The following CABLES2 variants were observed in gnomAD, a reference collection of about 807,000 sequenced individuals.
CABLES2 encodes the protein Cdk5 and Abl enzyme substrate 2.
In CABLES2, 35 loss-of-function variants were observed where a neutral mutation model predicts 44.8. The ratio of observed to expected loss-of-function variants is 0.78; its 90% CI spans 0.60 to 1.04. CABLES2 has a LOEUF of 1.04. Ranked by LOEUF, CABLES2 falls within the 50% of genes least tolerant of loss-of-function variation. The probability of loss-of-function intolerance (pLI) is 0.00; values close to 1 mark genes in which losing one functional copy is unlikely to be tolerated. For missense variants in CABLES2, 566 were observed against 615.7 expected (o/e 0.92, Z 0.85); for synonymous variants, 282 against 281.1 (o/e 1.00, Z -0.03).
chr20:62,397,823 C>T (rs563902184), intron 1 of CABLES2, among the ~76,000 whole-genome samples: 168 of 151,156 alleles, frequency 1.1e-3, no homozygotes, highest in Non-Finnish European at 1.8e-3. Context: ...TGTGGCGTGG[C>T]ACGTCTGAGG....
rs1987879182 is a variant in CABLES2, at chr20:62,389,865, G to A, written c.*1106C>T. 1.3e-5 allele frequency: 2 copies of A among 152,208 alleles called. No individual in the cohort carries two copies. Among genetic ancestry groups the A allele is most frequent in the Non-Finnish European group, 2.9e-5 (2 of 68,052 alleles). 9.4% of individuals were successfully genotyped at this position (152,208 alleles called of 1,614,324 possible). ...GAAGGGACAACGACCACCATTTGGG[G>A]TCCTTTTAGCATGGTGGGCTGCCCT... On this transcript the variant is annotated 3_prime_UTR_variant, in exon 10 of 10. Coordinates refer to ENST00000279101, the MANE Select transcript of CABLES2 (RefSeq NM_031215.3).
intron 6 of CABLES2, 103 bp from the exon 7 acceptor site, chr20:62,393,126 G>A: frequency 9.7e-7 from 1 of 1,026,660 alleles, no homozygotes; most frequent in South Asian, 1.4e-5. Flanking sequence ...GCCGAGCAGG[G>A]GAGGGGCTCT....
At chr20:62,393,388 TA>T in intron 6 of CABLES2, 51 bp downstream of exon 6, 2 of 1,532,714 alleles carry the variant, frequency 1.3e-6, no homozygotes, top group Non-Finnish European at 1.8e-6. Context: ...GGGCCGTGGT[TA>T]AGGCACGCGG....
intron 1 of CABLES2, among the ~76,000 whole-genome samples, chr20:62,398,432 C>T (rs2146425754): frequency 6.6e-6 from 1 of 151,860 alleles, no homozygotes; most frequent in South Asian, 2.1e-4. Flanking sequence ...GCAACTTGGC[C>T]CCCAGGCTTG....
At chr20:62,404,994 T>A (rs552641674) in intron 1 of CABLES2, 2 of 152,336 alleles carry the variant, frequency 1.3e-5, no homozygotes, top group Non-Finnish European at 2.9e-5. Context: ...GCCTTCTCAG[T>A]CACAGGCACT....
intron 7 of CABLES2, 90 bp downstream of exon 7, chr20:62,392,830 G>A: frequency 8.5e-7 from 1 of 1,170,432 alleles, no homozygotes; most frequent in South Asian, 1.3e-5. Flanking sequence ...CACGCCCCTG[G>A]GGCAGCTTTG....
At position 62,398,476 on chromosome 20, in the gene CABLES2, T is replaced by G. The variant is rs539588267; in HGVS notation, c.363-1884A>C. Among the ~76,000 whole-genome samples, 313 of 152,236 alleles carry G rather than the reference T, an allele frequency of 2.1e-3. 1 individual carries two copies. Among genetic ancestry groups the G allele is most frequent in the African/African-American group, 7.3e-3 (304 of 41,526 alleles). On this transcript the variant is annotated intron_variant, in intron 1 of 9. Transcript: ENST00000279101. Reference sequence around the variant, plus strand: ...CATTCTCAGCGTGTCAACAGTAGCCTTTTTATTAAGTGTCACCCAATCTGG... The same window carrying G: ...CATTCTCAGCGTGTCAACAGTAGCCGTTTTATTAAGTGTCACCCAATCTGG...
Position 62,407,200 on chromosome 20 carries a change from G to A in CABLES2, c.77C>T (p.Thr26Ile). The change falls in exon 1 of 10, where the codon ACC becomes ATC. Residue 26 changes from threonine (T) to isoleucine (I), a missense_variant. This residue lies in a region of CABLES2 where 130 missense variants were observed against 79.4 expected (regional missense o/e 1.64). Transcript: ENST00000279101. ...CTGCGGCGGGGCCCGAGCGGCCGAG[G>A]TCGGCGCGGCGGGTGGCGGGGGCCC... is the stretch of plus-strand genomic sequence containing the variant. ...PAGPPPPAAP[T>I]SAARAPPQAL... 1 of 983,540 alleles carries A rather than the reference G, an allele frequency of 1.0e-6. No individual in the cohort carries two copies. The highest frequency in any genetic ancestry group is 1.2e-6 in the Non-Finnish European group (1 of 830,096). 60.9% of individuals were successfully genotyped at this position (983,540 alleles called of 1,614,324 possible).
chr20:62,396,259 C>G lies in CABLES2; in HGVS notation c.527+56G>C, dbSNP rs1569016314. 2.1e-6 allele frequency: 3 copies of G among 1,442,658 alleles called. No individual in the cohort carries two copies. Among genetic ancestry groups the G allele is most frequent in the Non-Finnish European group, 2.9e-6 (3 of 1,025,244 alleles). 89.4% of individuals were successfully genotyped at this position (1,442,658 alleles called of 1,614,324 possible). On this transcript the variant is annotated intron_variant, in intron 3 of 9. Coordinates refer to ENST00000279101, the MANE Select transcript of CABLES2 (RefSeq NM_031215.3). This position sits in a 1 kb window ranked among gnomAD's most constrained non-coding sequence, Gnocchi z 5.7. Reference sequence around the variant, plus strand: ...GATTGCTTGGCTGACAGGGGCAGGACCCCGTGGGCTTATGGAGACCACAGC... The same window carrying G: ...GATTGCTTGGCTGACAGGGGCAGGAGCCCGTGGGCTTATGGAGACCACAGC...
chr20:62,398,199 G>GTGA (rs766992209), intron 1 of CABLES2, among the ~76,000 whole-genome samples: 12,279 of 55,880 alleles, frequency 0.22, 1,097 homozygotes, highest in Middle Eastern at 0.29. Flanking sequence ...GGTGATGATG[G>GTGA]TGGTGATGGT....
At chr20:62,399,909 G>C (rs1188944163) in intron 1 of CABLES2, among the ~76,000 whole-genome samples, 2 of 152,150 alleles carry the variant, frequency 1.3e-5, no homozygotes, top group East Asian at 3.8e-4. Context: ...GTGTGAAATA[G>C]CTCCTGTAAT....
chr20:62,395,061 C>T, intron 3 of CABLES2, 47 bp from the exon 4 acceptor site: 14 of 1,413,082 alleles, frequency 9.9e-6, no homozygotes, highest in Non-Finnish European at 1.4e-5. Context: ...GAGCGGGGCT[C>T]AAGGTACTGC....
In CABLES2 at chr20:62,396,627, C is replaced by T. The variant is rs750903503; in HGVS notation, c.363-35G>A. The stretch of plus-strand genomic sequence containing the variant: ...GACAATGGAGCCTCAAAACAGGCCA[C>T]CAGCCCGGGTGCCGCCTTTGTGGCC... On this transcript the variant is annotated intron_variant, in intron 1 of 9. Coordinates refer to ENST00000279101, the MANE Select transcript of CABLES2 (RefSeq NM_031215.3). The surrounding 1 kb of genome is among the most constrained non-coding windows in gnomAD (Gnocchi z 5.7). 1.0e-5 allele frequency: 16 copies of T among 1,586,074 alleles called. No homozygotes were observed. Among genetic ancestry groups the T allele is most frequent in the Admixed American group, 1.8e-5 (1 of 54,976 alleles).
chr20:62,392,715 C>T (rs1396587516), intron 7 of CABLES2, among the ~76,000 whole-genome samples: 1 of 152,222 alleles, frequency 6.6e-6, no homozygotes, highest in Non-Finnish European at 1.5e-5. Flanking sequence ...GTGCCGAGGG[C>T]GGAAGGGCAA....
intron 3 of CABLES2, 66 bp from the exon 4 acceptor site, chr20:62,395,080 G>A: frequency 8.2e-7 from 1 of 1,212,502 alleles, no homozygotes; most frequent in Non-Finnish European, 1.2e-6. Context: ...GCTGCTTCCA[G>A]AGCTACAGAC....
At chr20:62,399,202 G>A (rs1462481899) in intron 1 of CABLES2, among the ~76,000 whole-genome samples, 1 of 151,172 alleles carries the variant, frequency 6.6e-6, no homozygotes, top group Non-Finnish European at 1.5e-5. Context: ...CGCTGGCCTC[G>A]GCCTCCCAAA....
Position 62,393,581 on chromosome 20 carries a change from A to T in CABLES2, c.739T>A (p.Tyr247Asn). The T allele has an allele frequency of 6.2e-7, 1 of 1,604,270 alleles. No individual in the cohort carries two copies. ...TGTGTGACCAGGGCGTTGGTGGGAT[A>T]CAGGAACTTCGCATAAGACACGACC... ...GKVVSYAKFLYPTNALVTHKS... is the reference protein window; with the variant it reads ...GKVVSYAKFLNPTNALVTHKS... Residue 247 changes from tyrosine to asparagine, a missense_variant, in exon 6 of 10, where the codon TAT becomes AAT. Tyr to Asn is a moderately radical substitution (Grantham distance 143). Transcript: ENST00000279101.
chr20:62,393,693 A>G (rs940029407), intron 5 of CABLES2, 88 bp from the exon 6 acceptor site: 3 of 1,389,142 alleles, frequency 2.2e-6, no homozygotes, highest in Admixed American at 2.3e-5. Context: ...CCAGACGCAC[A>G]TGCCAGGAGC....
intron 1 of CABLES2, among the ~76,000 whole-genome samples, chr20:62,397,926 G>GTGGTGGTGGTGA (rs1344365409): frequency 3.8e-5 from 4 of 106,162 alleles, no homozygotes; most frequent in East Asian, 4.5e-4. Flanking sequence ...AGTGGTGATG[G>GTGGTGGTGGTGA]TGGTGGTGGT....
Sources: gnomAD v4.1 joint callset for allele counts (sites outside exome capture counted in the v4.1 genomes callset) on GRCh38, gnomAD v4.1.1 for gene constraint, gnomAD v4.1.1 regional missense constraint, Gnocchi (gnomAD v3.1) non-coding constraint, MANE v1.5 for transcripts, NCBI Gene and HGNC (gene_info 2026-07-23, HGNC 2026-07-21) for gene names.